FSCN1: variants seen among roughly 807,000 people sequenced by gnomAD.
The protein encoded by FSCN1 is fascin.
In FSCN1, 10 loss-of-function variants were observed where a neutral mutation model predicts 39.7. The ratio of observed to expected loss-of-function variants is 0.25; its 90% CI spans 0.16 to 0.43. The LOEUF is 0.43. Ranked by LOEUF, FSCN1 falls within the 20% of genes least tolerant of loss-of-function variation. The pLI is 1.00. For missense variants in FSCN1, 525 were observed against 723.8 expected (o/e 0.73, Z 3.15); for synonymous variants, 322 against 320.0 (o/e 1.01, Z -0.07).
chr7:5,606,375 CCCTGGG>C lies in FSCN1; in HGVS notation c.*909_*914del, dbSNP rs1180525434. 3 of 152,218 alleles carry C rather than the reference CCCTGGG, an allele frequency of 2.0e-5. No individual in the cohort carries two copies. Among genetic ancestry groups the C allele is most frequent in the East Asian group, 3.9e-4 (2 of 5,142 alleles). The allele number at this position is 152,218 out of a possible 1,614,324, so 9.4% of individuals were successfully genotyped here. On this transcript the variant is annotated 3_prime_UTR_variant, in exon 5 of 5. Coordinates refer to ENST00000382361, the MANE Select transcript of FSCN1 (RefSeq NM_003088.4). The surrounding 1 kb of genome is among the most constrained non-coding windows in gnomAD (Gnocchi z 5.1). ...TTCCGTCCTTCCCGTCCAGCCCCAG[CCCTGGG>C]CCTGGGCTGCCGACACCTGGGCCAG...
At chr7:5,604,389 G>C (rs1394198482) in intron 4 of FSCN1, among the ~76,000 whole-genome samples, 1 of 152,188 alleles carries the variant, frequency 6.6e-6, no homozygotes, top group South Asian at 2.1e-4. Context: ...GTGCAGGGGA[G>C]GACGCGCCTC....
In FSCN1 at chr7:5,603,179, C is replaced by G; in HGVS notation, c.833-78C>G. ...GTGGTGTTACCTTGCGTGTGTAGTT[C>G]TGTGAGCTCAGGGCTATGGTCTGCC... On this transcript the variant is annotated intron_variant, in intron 1 of 4. Transcript: ENST00000382361. The surrounding 1 kb of genome is among the most constrained non-coding windows in gnomAD (Gnocchi z 8.5). 6.5e-7 allele frequency: 1 copy of G among 1,537,076 alleles called. No individual in the cohort carries two copies. The highest frequency in any genetic ancestry group is 1.2e-5 in the South Asian group (1 of 86,184).
At chr7:5,596,025 C>T (rs1261375241) in intron 1 of FSCN1, among the ~76,000 whole-genome samples, 5 of 136,102 alleles carry the variant, frequency 3.7e-5, no homozygotes, top group Non-Finnish European at 7.8e-5. Flanking sequence ...GGATGTGGGA[C>T]GGCGCGGGGG....
chr7:5,594,303 C>A (rs985025825), intron 1 of FSCN1, among the ~76,000 whole-genome samples: 1 of 152,074 alleles, frequency 6.6e-6, no homozygotes, highest in Non-Finnish European at 1.5e-5. Flanking sequence ...TCCACCTCCC[C>A]GTCTGCCCGG....
At chr7:5,597,723 T>A (rs1785755870) in intron 1 of FSCN1, among the ~76,000 whole-genome samples, 1 of 144,214 alleles carries the variant, frequency 6.9e-6, no homozygotes, top group African/African-American at 2.6e-5. Flanking sequence ...AAAACTGTAA[T>A]TAAAATAATT....
In FSCN1 at chr7:5,601,197, CTTT is replaced by C. The variant is rs534109521; in HGVS notation, c.833-2039_833-2037del. Among the ~76,000 whole-genome samples the C allele has an allele frequency of 3.3e-3, 382 of 115,520 alleles. 1 individual carries two copies. The highest frequency in any genetic ancestry group is 0.012 in the African/African-American group (339 of 29,142). The allele number at this position is 115,520 out of a possible 152,430, so 75.8% of individuals were successfully genotyped here. On this transcript the variant is annotated intron_variant, in intron 1 of 4. Coordinates refer to ENST00000382361, the MANE Select transcript of FSCN1 (RefSeq NM_003088.4). ...TCTGTGCATGTTTCTTTCTTTCTTCCTTTTTTTTTTTTTTTTTTTTTTTGAGAT... is the reference window on the plus strand; with the variant it reads ...TCTGTGCATGTTTCTTTCTTTCTTCCTTTTTTTTTTTTTTTTTTTTGAGAT...
Position 5,605,732 on chromosome 7 carries a change from T to A in FSCN1, c.*258T>A. ...AGGGATTTCAGATGCCCCTGCCCTCTTGTCTGCCACGGGGCGAGTCTGGCA... is the reference window on the plus strand; with the variant it reads ...AGGGATTTCAGATGCCCCTGCCCTCATGTCTGCCACGGGGCGAGTCTGGCA... On this transcript the variant is annotated 3_prime_UTR_variant, in exon 5 of 5. Coordinates refer to ENST00000382361, the MANE Select transcript of FSCN1 (RefSeq NM_003088.4). The surrounding 1 kb of genome is among the most constrained non-coding windows in gnomAD (Gnocchi z 6.9). 4.2e-6 allele frequency: 2 copies of A among 473,946 alleles called. No homozygotes were observed. The highest frequency in any genetic ancestry group is 7.5e-6 in the Non-Finnish European group (2 of 265,548). 29.4% of individuals were successfully genotyped at this position (473,946 alleles called of 1,614,324 possible). A position where few individuals can be genotyped will look rare whatever the true frequency, so the allele number is the denominator to read the frequency against.
rs1725183 is a variant in FSCN1, at chr7:5,603,848, C to T, written c.1112-15C>T. The T allele has an allele frequency of 0.14, 224,409 of 1,608,020 alleles. 17,230 individuals are homozygous for T. Among genetic ancestry groups the T allele is most frequent in the African/African-American group, 0.29 (21,922 of 74,850 alleles). On this transcript the variant is annotated splice_polypyrimidine_tract_variant and intron_variant, in intron 3 of 4. Coordinates refer to ENST00000382361, the MANE Select transcript of FSCN1 (RefSeq NM_003088.4). This position sits in a 1 kb window ranked among gnomAD's most constrained non-coding sequence, Gnocchi z 8.5. ...CCTGCCAGGAGGCTCACTGACTCCC[C>T]TCTTTCTGGGACAGGGGACTCAGAG...
chr7:5,603,019 TC>T lies in FSCN1; in HGVS notation c.833-237del. 1 of 567,538 alleles carries T rather than the reference TC, an allele frequency of 1.8e-6. No homozygotes were observed. The highest frequency in any genetic ancestry group is 1.9e-5 in the African/African-American group (1 of 53,312). The allele number at this position is 567,538 out of a possible 1,614,324, so 35.2% of individuals were successfully genotyped here. On this transcript the variant is annotated intron_variant, in intron 1 of 4. Transcript: ENST00000382361. The surrounding 1 kb of genome is among the most constrained non-coding windows in gnomAD (Gnocchi z 8.5). ...GCCCCTGTCCCTGGCCCCTATTATT[TC>T]TCTAACTGGGGAAAGTCATGTGGGA...
rs1221669542 is a variant in FSCN1 at position 5,599,706 on chromosome 7, T to A, written c.833-3551T>A. 1.3e-5 allele frequency among the ~76,000 whole-genome samples: 2 copies of A among 152,026 alleles called. No homozygotes were observed. Among genetic ancestry groups the A allele is most frequent in the African/African-American group, 2.4e-5 (1 of 41,390 alleles). On this transcript the variant is annotated intron_variant, in intron 1 of 4. Transcript: ENST00000382361. The surrounding 1 kb of genome is among the most constrained non-coding windows in gnomAD (Gnocchi z 5.6). ...CTGTGGTCCCACCTACTGGGGAGAC[T>A]GAGGCAAGAGGATCCTTTGAGCCCA...
At chr7:5,604,845 C>A (rs960234460) in intron 4 of FSCN1, among the ~76,000 whole-genome samples, 1 of 152,160 alleles carries the variant, frequency 6.6e-6, no homozygotes, top group African/African-American at 2.4e-5. Context: ...CCATGTTGTC[C>A]AGGCTGGTCT....
chr7:5,600,845 G>C (rs1270253862), intron 1 of FSCN1, among the ~76,000 whole-genome samples: 1 of 151,596 alleles, frequency 6.6e-6, no homozygotes, highest in Non-Finnish European at 1.5e-5. Flanking sequence ...ATTATTAATA[G>C]AGACGGGTTT....
chr7:5,592,860 A>C lies in FSCN1; in HGVS notation c.-77A>C. ...GCGTGCGGGCCGCGGCAGCCGAACAAAGGAGCAGGGGCGCCGCCGCAGGGA... is the reference window on the plus strand; with the variant it reads ...GCGTGCGGGCCGCGGCAGCCGAACACAGGAGCAGGGGCGCCGCCGCAGGGA... On this transcript the variant is annotated 5_prime_UTR_variant, in exon 1 of 5. Coordinates refer to ENST00000382361, the MANE Select transcript of FSCN1 (RefSeq NM_003088.4). The surrounding 1 kb of genome is among the most constrained non-coding windows in gnomAD (Gnocchi z 5.3). 3 of 862,202 alleles carry C rather than the reference A, an allele frequency of 3.5e-6. No homozygotes were observed. The highest frequency in any genetic ancestry group is 1.8e-5 in the South Asian group (1 of 54,668). 53.4% of individuals were successfully genotyped at this position (862,202 alleles called of 1,614,324 possible). A position where few individuals can be genotyped will look rare whatever the true frequency, so the allele number is the denominator to read the frequency against.
At position 5,598,988 on chromosome 7, in the gene FSCN1, G is replaced by GCCCTGC. The variant is rs1183243280; in HGVS notation, c.833-4268_833-4263dup. Among the ~76,000 whole-genome samples, 6 of 152,324 alleles carry GCCCTGC rather than the reference G, an allele frequency of 3.9e-5. No homozygotes were observed. In the East Asian group the frequency reaches 1.2e-3, roughly 30 times the overall value. On this transcript the variant is annotated intron_variant, in intron 1 of 4. Coordinates refer to ENST00000382361, the MANE Select transcript of FSCN1 (RefSeq NM_003088.4). ...GTGGCTGGCCTGACGGCTCCCTGCA[G>GCCCTGC]CCCTGCGGCTTCTGTGCAGTGGGGG...
chr7:5,595,614 G>C lies in FSCN1; in HGVS notation c.832+1846G>C, dbSNP rs149305729. Reference sequence around the variant, plus strand: ...GAATAGAAGGTGGCAGGTATGGGGGGGGTGCTGTGTGGACCAGCGTTGTAG... The same window carrying C: ...GAATAGAAGGTGGCAGGTATGGGGGCGGTGCTGTGTGGACCAGCGTTGTAG... On this transcript the variant is annotated intron_variant, in intron 1 of 4. Coordinates refer to ENST00000382361, the MANE Select transcript of FSCN1 (RefSeq NM_003088.4). Among the ~76,000 whole-genome samples the C allele has an allele frequency of 6.1e-4, 93 of 152,328 alleles. 1 individual carries two copies. Among genetic ancestry groups the C allele is most frequent in the African/African-American group, 2.1e-3 (86 of 41,574 alleles).
In FSCN1 at chr7:5,603,842, A is replaced by C. The variant is rs771179419; in HGVS notation, c.1112-21A>C. The C allele has an allele frequency of 6.8e-6, 11 of 1,607,232 alleles. No individual in the cohort carries two copies. In the South Asian group the frequency reaches 1.2e-4, roughly 18 times the overall value. On this transcript the variant is annotated intron_variant, in intron 3 of 4. Transcript: ENST00000382361. The surrounding 1 kb of genome is among the most constrained non-coding windows in gnomAD (Gnocchi z 8.5). ...CCACTCCCTGCCAGGAGGCTCACTG[A>C]CTCCCCTCTTTCTGGGACAGGGGAC...
Position 5,603,285 on chromosome 7 carries a change from G to A in FSCN1, c.861G>A (p.Glu287=), listed in dbSNP as rs751379435. 19 of 1,612,522 alleles carry A rather than the reference G, an allele frequency of 1.2e-5. No homozygotes were observed. Among genetic ancestry groups the A allele is most frequent in the Admixed American group, 3.3e-5 (2 of 60,006 alleles). Residue 287 remains glutamate (E), a synonymous_variant, in exon 2 of 5, where the codon GAG becomes GAA. Transcript: ENST00000382361. This position sits in a 1 kb window ranked among gnomAD's most constrained non-coding sequence, Gnocchi z 8.5. ...QGMDLSANQD[E]ETDQETFQLE... ...TGGACCTGTCTGCCAATCAGGACGA[G>A]GAGACCGACCAGGAGACCTTCCAGC...
chr7:5,597,360 C>T (rs1335682551), intron 1 of FSCN1, among the ~76,000 whole-genome samples: 3 of 142,378 alleles, frequency 2.1e-5, no homozygotes, highest in African/African-American at 7.9e-5. Context: ...CAGAACGAGA[C>T]CCTGTCTTAA....
chr7:5,593,902 A>G lies in FSCN1; in HGVS notation c.832+134A>G, dbSNP rs1283238414. On this transcript the variant is annotated intron_variant, in intron 1 of 4. Transcript: ENST00000382361. ...GAGCACTGCCCATTGCGCCCCCGCT[A>G]GGCACGCGGGCTACCCCGCCTGGAG... 6.1e-6 allele frequency: 4 copies of G among 651,036 alleles called. No homozygotes were observed. In the African/African-American group the frequency reaches 7.8e-5, roughly 13 times the overall value. The allele number at this position is 651,036 out of a possible 1,614,324, so 40.3% of individuals were successfully genotyped here.
Sources: gnomAD v4.1 joint callset for allele counts (sites outside exome capture counted in the v4.1 genomes callset) on GRCh38, gnomAD v4.1.1 for gene constraint, Gnocchi (gnomAD v3.1) non-coding constraint, MANE v1.5 for transcripts, NCBI Gene and HGNC (gene_info 2026-07-23, HGNC 2026-07-21) for gene names.